Variants in COMMD1 observed in about 807,000 individuals in gnomAD.
The protein encoded by COMMD1 is copper metabolism domain containing 1, also known as COMM domain-containing protein 1.
A neutral mutation model predicts 17.2 loss-of-function variants in COMMD1; 10 were observed. The ratio of observed to expected loss-of-function variants is 0.58; its 90% confidence interval spans 0.36 to 0.99. The LOEUF is 0.99. Among genes scored for constraint, COMMD1 ranks in the 50% least tolerant of loss-of-function variants. The pLI is 0.01. For missense variants in COMMD1, 270 were observed against 231.8 expected (o/e 1.17, Z -1.07); for synonymous variants, 97 against 91.6 (o/e 1.06, Z -0.34).
intron 2 of COMMD1, among the ~76,000 whole-genome samples, chr2:62,025,808 C>G (rs1669738668): frequency 6.6e-6 from 1 of 152,116 alleles, no homozygotes; most frequent in Non-Finnish European, 1.5e-5. Flanking sequence ...TCCACCTCAG[C>G]CTTCTGAGTA....
At chr2:61,997,529 C>T (rs1290809694) in intron 1 of COMMD1, among the ~76,000 whole-genome samples, 1 of 152,126 alleles carries the variant, frequency 6.6e-6, no homozygotes, top group African/African-American at 2.4e-5. Flanking sequence ...TAGTAATATT[C>T]TGAAAGGAAT....
chr2:62,094,324 T>G (rs1192267885), intron 2 of COMMD1, among the ~76,000 whole-genome samples: 2 of 152,164 alleles, frequency 1.3e-5, no homozygotes, highest in Admixed American at 6.5e-5. Flanking sequence ...GTTGGGGGCA[T>G]AGACGGTCAG....
chr2:61,970,938 G>C (rs1237895809), intron 1 of COMMD1, among the ~76,000 whole-genome samples: 1 of 152,058 alleles, frequency 6.6e-6, no homozygotes, highest in Admixed American at 6.6e-5. Flanking sequence ...TTCTGACAGG[G>C]TCCCTGTTGC....
At chr2:61,992,376 G>A (rs182817854) in intron 1 of COMMD1, among the ~76,000 whole-genome samples, 7 of 152,264 alleles carry the variant, frequency 4.6e-5, no homozygotes, top group African/African-American at 1.7e-4. Context: ...TTAGGCTGAA[G>A]TAATTATAAA....
chr2:61,964,684 G>A (rs1228042616), intron 1 of COMMD1, among the ~76,000 whole-genome samples: 1 of 151,936 alleles, frequency 6.6e-6, no homozygotes, highest in African/African-American at 2.4e-5. Context: ...AATACACCCC[G>A]GTCTTATATT....
chr2:62,057,334 A>G (rs1170335194), intron 2 of COMMD1, among the ~76,000 whole-genome samples: 1 of 152,170 alleles, frequency 6.6e-6, no homozygotes, highest in Non-Finnish European at 1.5e-5. Context: ...ATCCATATAT[A>G]TGTGCATATA....
At chr2:61,913,366 C>CAAAAAAA (rs767142777) in intron 1 of COMMD1, among the ~76,000 whole-genome samples, 1 of 41,974 alleles carries the variant, frequency 2.4e-5, no homozygotes, top group Non-Finnish European at 5.1e-5. Flanking sequence ...GACTCCATCT[C>CAAAAAAA]AAAAAAAAAA....
intron 1 of COMMD1, among the ~76,000 whole-genome samples, chr2:61,914,750 G>T (rs1288515131): frequency 1.3e-5 from 2 of 151,738 alleles, no homozygotes; most frequent in African/African-American, 4.8e-5. Flanking sequence ...GAGTGCGGTG[G>T]TGCAAACTTG....
chr2:61,929,488 C>T (rs1037399534), intron 1 of COMMD1, among the ~76,000 whole-genome samples: 2 of 152,140 alleles, frequency 1.3e-5, no homozygotes, highest in Admixed American at 1.3e-4. Flanking sequence ...TACATTTCCC[C>T]TAGTTTATTA....
chr2:62,062,320 A>T (rs1670884050), intron 2 of COMMD1, among the ~76,000 whole-genome samples: 1 of 151,626 alleles, frequency 6.6e-6, no homozygotes, highest in Admixed American at 6.6e-5. Context: ...TGCCACTCCC[A>T]GGTTCAAGCG....
intron 1 of COMMD1, among the ~76,000 whole-genome samples, chr2:61,972,066 ACAGAGATT>A (rs1446566773): frequency 6.6e-6 from 1 of 152,112 alleles, no homozygotes; most frequent in East Asian, 1.9e-4. Context: ...GAGGTGGTGA[ACAGAGATT>A]GTGCCACTGC....
intron 2 of COMMD1, among the ~76,000 whole-genome samples, chr2:62,052,048 C>T (rs553504845): frequency 5.9e-5 from 9 of 152,332 alleles, no homozygotes; most frequent in Non-Finnish European, 1.2e-4. Context: ...GACTCTACAG[C>T]TCACTCAAAA....
intron 2 of COMMD1, among the ~76,000 whole-genome samples, chr2:62,135,437 G>A (rs911486284): frequency 6.6e-6 from 1 of 150,860 alleles, no homozygotes. Flanking sequence ...TGCAAGCTCC[G>A]ACTTTCGGGT....
rs535497727 is a variant in COMMD1 at position 62,130,424 on chromosome 2, A to T, written c.463-5407A>T. Among the ~76,000 whole-genome samples the T allele has an allele frequency of 1.6e-4, 25 of 152,196 alleles. 1 individual carries two copies. In the South Asian group the frequency reaches 5.2e-3, roughly 32 times the overall value. On this transcript the variant is annotated intron_variant, in intron 2 of 2. Transcript: ENST00000311832. ...CAAGTAGCTGCGATTACAGGTGCAC[A>T]CCTATGTGGCCTTTTTGAATCAGTA...
intron 1 of COMMD1, among the ~76,000 whole-genome samples, chr2:61,992,143 G>A (rs564003162): frequency 1.3e-5 from 2 of 152,228 alleles, no homozygotes; most frequent in African/African-American, 4.8e-5. Context: ...TACTGTGAAT[G>A]CACAGCAACA....
chr2:61,899,157 A>G (rs1211447643), intron 1 of COMMD1, among the ~76,000 whole-genome samples: 2 of 152,210 alleles, frequency 1.3e-5, no homozygotes, highest in Non-Finnish European at 2.9e-5. Flanking sequence ...CTAAAGACAC[A>G]TTAAAAAAAA....
chr2:61,993,447 GCTTT>G, intron 1 of COMMD1, among the ~76,000 whole-genome samples: 1 of 152,272 alleles, frequency 6.6e-6, no homozygotes. Flanking sequence ...CAGTGCCTAG[GCTTT>G]ACTCCATAAT....
chr2:62,039,517 A>C (rs911266508), intron 2 of COMMD1, among the ~76,000 whole-genome samples: 1 of 152,246 alleles, frequency 6.6e-6, no homozygotes, highest in East Asian at 1.9e-4. Flanking sequence ...CTTGCACAGC[A>C]TATGCCTCTT....
chr2:61,957,477 G>T (rs532332755), intron 1 of COMMD1, among the ~76,000 whole-genome samples: 2 of 152,132 alleles, frequency 1.3e-5, no homozygotes, highest in South Asian at 2.1e-4. Flanking sequence ...GTGGTTTTCT[G>T]TTTTTTGCCA....
Sources: allele counts gnomAD v4.1 joint callset (sites outside exome capture counted in the v4.1 genomes callset), GRCh38; gene constraint gnomAD v4.1.1; transcripts MANE v1.5; gene names NCBI Gene and HGNC (gene_info 2026-07-23, HGNC 2026-07-21).